APBA1: variants seen among roughly 807,000 people sequenced by gnomAD.
The protein encoded by APBA1 is amyloid-beta A4 precursor protein-binding family A member 1.
A neutral mutation model predicts 86.6 loss-of-function variants in APBA1; 55 were observed. The observed-to-expected ratio is 0.64, with a 90% CI of 0.51 to 0.80. The LOEUF is 0.80. Ranked by LOEUF, APBA1 falls within the 30% of genes least tolerant of loss-of-function variation. The probability of loss-of-function intolerance (pLI) is 0.00; values close to 1 mark genes in which losing one functional copy is unlikely to be tolerated. For synonymous variants in APBA1, 511 were observed against 493.9 expected, an observed-to-expected ratio of 1.03 and a Z score of -0.46; for missense variants, 1,090 against 1,183.0, an observed-to-expected ratio of 0.92 and a Z score of 1.15.
chr9:69,638,160 G>T (rs1440916489), intron 1 of APBA1, among the ~76,000 whole-genome samples: 1 of 152,156 alleles, frequency 6.6e-6, no homozygotes, highest in African/African-American at 2.4e-5. Context: ...ACAGATTTTT[G>T]TACAGGTAAC....
Position 69,631,076 on chromosome 9 carries a change from T to TTCTTC in APBA1, c.-70+41076_-70+41077insGAAGA, listed in dbSNP as rs559823667. 1.1e-3 allele frequency among the ~76,000 whole-genome samples: 165 copies of TTCTTC among 152,346 alleles called. 6 individuals carry two copies. In the South Asian group the frequency reaches 0.029, roughly 27 times the overall value. Reference sequence around the variant, plus strand: ...ACTATTATTAAGATTAAACGATTTATCCTTCCCAAGTTCTCTGGCCAATGC... The same window carrying TTCTTC: ...ACTATTATTAAGATTAAACGATTTATTCTTCCCTTCCCAAGTTCTCTGGCCAATGC... On this transcript the variant is annotated intron_variant, in intron 1 of 12. Transcript: ENST00000265381.
chr9:69,645,659 T>C (rs1823377272), intron 1 of APBA1, among the ~76,000 whole-genome samples: 1 of 152,134 alleles, frequency 6.6e-6, no homozygotes. Flanking sequence ...GAGCTCGTGC[T>C]CTCTTCAGCA....
At chr9:69,467,188 C>T (rs1835293030) in intron 5 of APBA1, among the ~76,000 whole-genome samples, 1 of 152,190 alleles carries the variant, frequency 6.6e-6, no homozygotes, top group African/African-American at 2.4e-5. Flanking sequence ...ATGGTTCAAA[C>T]TAGTTGTGAA....
intron 1 of APBA1, among the ~76,000 whole-genome samples, chr9:69,569,089 A>G (rs1837074970): frequency 6.6e-6 from 1 of 152,198 alleles, no homozygotes; most frequent in Non-Finnish European, 1.5e-5. Context: ...TCACTTAGCT[A>G]TGGAACAGGC....
At chr9:69,620,815 G>C (rs897273924) in intron 1 of APBA1, among the ~76,000 whole-genome samples, 1 of 152,214 alleles carries the variant, frequency 6.6e-6, no homozygotes, top group Non-Finnish European at 1.5e-5. Context: ...GCATGGAGAT[G>C]CCATGGAGGG....
intron 1 of APBA1, among the ~76,000 whole-genome samples, chr9:69,593,687 A>G (rs987943733): frequency 6.6e-6 from 1 of 152,270 alleles, no homozygotes; most frequent in Non-Finnish European, 1.5e-5. Context: ...ATTTGCTGAA[A>G]GGAAGTTTCA....
chr9:69,632,215 C>A lies in APBA1; in HGVS notation c.-70+39938G>T, dbSNP rs538243135. Among the ~76,000 whole-genome samples, 4 of 152,160 alleles carry A rather than the reference C, an allele frequency of 2.6e-5. No individual in the cohort carries two copies. In the South Asian group the frequency reaches 6.2e-4, roughly 24 times the overall value. ...TGTTAATGACCCACAAACAAATTAA[C>A]TTTCTTTGCCTTATAAACCCAAAAT... On this transcript the variant is annotated intron_variant, in intron 1 of 12. Transcript: ENST00000265381.
intron 10 of APBA1, among the ~76,000 whole-genome samples, chr9:69,441,625 T>C (rs1211634210): frequency 1.3e-5 from 2 of 152,174 alleles, no homozygotes; most frequent in Admixed American, 1.3e-4. Flanking sequence ...TCTCTGATGC[T>C]CCTCTTTCCC....
intron 2 of APBA1, among the ~76,000 whole-genome samples, chr9:69,513,296 C>T (rs928576780): frequency 6.6e-6 from 1 of 152,198 alleles, no homozygotes; most frequent in Admixed American, 6.5e-5. Context: ...CAGCCTCTAA[C>T]CCTACCATAG....
chr9:69,440,882 G>C, intron 11 of APBA1, 114 bp downstream of exon 11: 1 of 1,301,466 alleles, frequency 7.7e-7, no homozygotes, highest in Non-Finnish European at 1.1e-6. Flanking sequence ...ACTCACGCTG[G>C]GAGTTGTAGA....
At chr9:69,630,136 G>C (rs1023014855) in intron 1 of APBA1, among the ~76,000 whole-genome samples, 4 of 152,038 alleles carry the variant, frequency 2.6e-5, no homozygotes, top group Non-Finnish European at 5.9e-5. Flanking sequence ...ATTCAAAATG[G>C]GGCAGTCAGG....
intron 1 of APBA1, among the ~76,000 whole-genome samples, chr9:69,527,956 T>C (rs764518214): frequency 9.2e-5 from 14 of 152,142 alleles, no homozygotes; most frequent in Non-Finnish European, 2.1e-4. Context: ...TGTGAACGCT[T>C]TTTGATGTTC....
chr9:69,665,058 G>A (rs1396201209), intron 1 of APBA1, among the ~76,000 whole-genome samples: 3 of 152,164 alleles, frequency 2.0e-5, no homozygotes, highest in Admixed American at 6.5e-5. Context: ...CTGCCTCTCT[G>A]CTTCTCTGCT....
At chr9:69,522,068 TACACACAC>T (rs9314700) in intron 1 of APBA1, among the ~76,000 whole-genome samples, 2 of 149,444 alleles carry the variant, frequency 1.3e-5, no homozygotes, top group African/African-American at 4.9e-5. Flanking sequence ...CACCATTTTA[TACACACAC>T]ACACACACAC....
At chr9:69,434,167 C>A (rs573321746) in intron 11 of APBA1, among the ~76,000 whole-genome samples, 1 of 152,292 alleles carries the variant, frequency 6.6e-6, no homozygotes, top group South Asian at 2.1e-4. Context: ...CAGCCCCAGG[C>A]TTGGGAGTCA....
At chr9:69,549,581 AC>A (rs919099294) in intron 1 of APBA1, among the ~76,000 whole-genome samples, 1 of 151,986 alleles carries the variant, frequency 6.6e-6, no homozygotes, top group Admixed American at 6.6e-5. Context: ...ACTTCTCAAA[AC>A]CCCTCGGCCT....
At chr9:69,521,164 C>G (rs1836245354) in intron 1 of APBA1, among the ~76,000 whole-genome samples, 1 of 152,164 alleles carries the variant, frequency 6.6e-6, no homozygotes, top group Non-Finnish European at 1.5e-5. Context: ...GGTCACACAT[C>G]TGGTAAGGGA....
At chr9:69,517,803 C>A (rs568779495) in intron 1 of APBA1, among the ~76,000 whole-genome samples, 1 of 152,304 alleles carries the variant, frequency 6.6e-6, no homozygotes, top group South Asian at 2.1e-4. Flanking sequence ...GACTTTGTGA[C>A]CTCAGGCAAG....
At chr9:69,481,657 C>T (rs11138861) in intron 2 of APBA1, among the ~76,000 whole-genome samples, 103,419 of 139,754 alleles carry the variant, frequency 0.74, 36,820 homozygotes, top group Admixed American at 0.78. Context: ...GAGCCCGCAT[C>T]GCCAAGGCAA....
Sources: gnomAD v4.1 joint callset for allele counts (sites outside exome capture counted in the v4.1 genomes callset) on GRCh38, gnomAD v4.1.1 for gene constraint, MANE v1.5 for transcripts, NCBI Gene and HGNC (gene_info 2026-07-23, HGNC 2026-07-21) for gene names.